The following SRGAP1 variants were observed in gnomAD, a reference collection of about 807,000 sequenced individuals.
SRGAP1 encodes the protein SLIT-ROBO Rho GTPase-activating protein 1.
SRGAP1 carries 43 observed loss-of-function variants against 121.9 expected under a neutral mutation model. That is an observed-to-expected ratio of 0.35 (90% CI 0.28 to 0.46). SRGAP1 has a LOEUF of 0.46. Ranked by LOEUF, SRGAP1 falls within the 20% of genes least tolerant of loss-of-function variation. The pLI is 1.00. For missense variants in SRGAP1, 1,102 were observed against 1,350.9 expected, an observed-to-expected ratio of 0.82 and a Z score of 2.89; for synonymous variants, 447 against 485.4, an observed-to-expected ratio of 0.92 and a Z score of 1.04.
intron 1 of SRGAP1, among the ~76,000 whole-genome samples, chr12:63,894,436 T>C (rs1188874800): frequency 6.6e-6 from 1 of 151,962 alleles, no homozygotes; most frequent in Non-Finnish European, 1.5e-5. Flanking sequence ...CATTGTAGCA[T>C]CCTACCCCAA....
chr12:63,906,708 A>G (rs1592934671), intron 1 of SRGAP1, among the ~76,000 whole-genome samples: 1 of 152,194 alleles, frequency 6.6e-6, no homozygotes, highest in East Asian at 1.9e-4. Context: ...CCAAGTAACA[A>G]TCATGAAGCT....
At chr12:63,982,511 G>A (rs2136406514) in intron 1 of SRGAP1, 1 of 152,312 alleles carries the variant, frequency 6.6e-6, no homozygotes, top group Admixed American at 6.5e-5. Context: ...CCTTATTCAT[G>A]GACTTGCTGT....
chr12:64,047,333 A>G (rs2035150750), intron 6 of SRGAP1, among the ~76,000 whole-genome samples: 2 of 152,198 alleles, frequency 1.3e-5, no homozygotes, highest in South Asian at 2.1e-4. Context: ...CATATATAGT[A>G]GTGATCCTAA....
At chr12:64,100,192 A>G (rs539539544) in intron 15 of SRGAP1, among the ~76,000 whole-genome samples, 2 of 152,320 alleles carry the variant, frequency 1.3e-5, no homozygotes, top group Non-Finnish European at 2.9e-5. Context: ...CACATATGCC[A>G]ATACCTGGGT....
chr12:64,159,317 T>C lies in SRGAP1; in HGVS notation c.*16645T>C, dbSNP rs2037192602. 1 of 152,308 alleles carries C rather than the reference T, an allele frequency of 6.6e-6. No homozygotes were observed. Among genetic ancestry groups the C allele is most frequent in the Non-Finnish European group, 1.5e-5 (1 of 68,264 alleles). The allele number at this position is 152,308 out of a possible 1,614,324, so 9.4% of individuals were successfully genotyped here. The stretch of plus-strand genomic sequence containing the variant: ...CCCATCTCTACTAAAAATACAAAAT[T>C]AGCCAGGCGTGGTGGCGCATGCCTG... On this transcript the variant is annotated 3_prime_UTR_variant, in exon 22 of 22. Transcript: ENST00000355086.
At chr12:63,854,071 G>T (rs569682523) in intron 1 of SRGAP1, among the ~76,000 whole-genome samples, 2 of 152,292 alleles carry the variant, frequency 1.3e-5, no homozygotes, top group African/African-American at 4.8e-5. Flanking sequence ...ATTATTTACA[G>T]TTTAAAGAAT....
chr12:63,892,944 T>A (rs1373635662), intron 1 of SRGAP1, among the ~76,000 whole-genome samples: 1 of 152,200 alleles, frequency 6.6e-6, no homozygotes, highest in Non-Finnish European at 1.5e-5. Flanking sequence ...GGCTTTGAAG[T>A]TGTTTGCTAT....
intron 21 of SRGAP1, among the ~76,000 whole-genome samples, chr12:64,133,908 T>A (rs1269338080): frequency 2.6e-5 from 4 of 152,174 alleles, no homozygotes; most frequent in Non-Finnish European, 5.9e-5. Flanking sequence ...CAGACTATTC[T>A]GCTTGCTGCT....
chr12:63,963,166 A>G (rs1360099275), intron 1 of SRGAP1, among the ~76,000 whole-genome samples: 3 of 152,220 alleles, frequency 2.0e-5, no homozygotes, highest in Non-Finnish European at 2.9e-5. Context: ...GCATAACTCC[A>G]CAGGAACCAC....
At chr12:64,070,916 A>G (rs1179612636) in intron 8 of SRGAP1, among the ~76,000 whole-genome samples, 1 of 152,156 alleles carries the variant, frequency 6.6e-6, no homozygotes, top group Admixed American at 6.5e-5. Context: ...GGGGATTCTC[A>G]AGTTCTTTTG....
At chr12:63,986,506 C>T (rs1261925842) in intron 2 of SRGAP1, among the ~76,000 whole-genome samples, 2 of 152,006 alleles carry the variant, frequency 1.3e-5, no homozygotes, top group Non-Finnish European at 2.9e-5. Flanking sequence ...TCACTGCAAC[C>T]TCCTCCTCCC....
chr12:63,904,155 T>C (rs2030081604), intron 1 of SRGAP1, among the ~76,000 whole-genome samples: 2 of 152,096 alleles, frequency 1.3e-5, no homozygotes, highest in East Asian at 3.9e-4. Context: ...ATTGCCGCAT[T>C]TGTTTGTACA....
chr12:63,956,546 GAT>G (rs1162106128), intron 1 of SRGAP1, among the ~76,000 whole-genome samples: 46 of 152,160 alleles, frequency 3.0e-4, no homozygotes, highest in African/African-American at 1.1e-3. Context: ...TTGGGTGCTG[GAT>G]AGCAGAGAAG....
At chr12:64,037,808 A>G (rs1182951783) in intron 4 of SRGAP1, among the ~76,000 whole-genome samples, 1 of 152,166 alleles carries the variant, frequency 6.6e-6, no homozygotes, top group Non-Finnish European at 1.5e-5. Flanking sequence ...AAAATTTTAA[A>G]CTCTTAGAAG....
intron 1 of SRGAP1, among the ~76,000 whole-genome samples, chr12:63,880,579 G>C (rs1489016611): frequency 1.3e-5 from 2 of 151,898 alleles, no homozygotes; most frequent in African/African-American, 4.8e-5. Context: ...GTATTTCTTC[G>C]TAGCAGTATG....
intron 1 of SRGAP1, among the ~76,000 whole-genome samples, chr12:63,854,834 G>C (rs145749747): frequency 2.2e-4 from 34 of 152,202 alleles, no homozygotes; most frequent in Middle Eastern, 3.4e-3. Flanking sequence ...AATGCTGTAG[G>C]TGTCTCCTGA....
In SRGAP1 at chr12:63,868,056, ATTTTTTTTTTTTTTTTTTTTTTG is replaced by A. The variant is rs1290152944; in HGVS notation, c.67+23187_67+23209del. Among the ~76,000 whole-genome samples, 85 of 57,864 alleles carry A rather than the reference ATTTTTTTTTTTTTTTTTTTTTTG, an allele frequency of 1.5e-3. 1 individual carries two copies. The East Asian group carries it at 0.072, about 49-fold the overall frequency. The allele number at this position is 57,864 out of a possible 152,430, so 38.0% of individuals were successfully genotyped here. Reference sequence around the variant, plus strand: ...TTTCCATATATATATATATATATATATTTTTTTTTTTTTTTTTTTTTTGTTTTTTTTTTTTTGTTTTTTGAGAT... The same window carrying A: ...TTTCCATATATATATATATATATATATTTTTTTTTTTTTGTTTTTTGAGAT... On this transcript the variant is annotated intron_variant, in intron 1 of 21. Coordinates refer to ENST00000355086, the MANE Select transcript of SRGAP1 (RefSeq NM_020762.4).
At position 64,146,419 on chromosome 12, in the gene SRGAP1, G is replaced by C. The variant is rs1173065681; in HGVS notation, c.*3747G>C. ...GTTTATAATTTAAAGAAAAGGAAAA[G>C]AGGCGTGGGTTGGTAGTTGTGTCCT... On this transcript the variant is annotated 3_prime_UTR_variant, in exon 22 of 22. Transcript: ENST00000355086. 6.6e-6 allele frequency: 1 copy of C among 152,138 alleles called. No homozygotes were observed. Among genetic ancestry groups the C allele is most frequent in the Non-Finnish European group, 1.5e-5 (1 of 68,032 alleles). 9.4% of individuals were successfully genotyped at this position (152,138 alleles called of 1,614,324 possible).
At chr12:64,058,336 C>T (rs2035382368) in intron 6 of SRGAP1, among the ~76,000 whole-genome samples, 1 of 152,156 alleles carries the variant, frequency 6.6e-6, no homozygotes, top group African/African-American at 2.4e-5. Flanking sequence ...GTATTTTCCA[C>T]TTAACAACAG....
Sources: gnomAD v4.1 joint callset for allele counts (sites outside exome capture counted in the v4.1 genomes callset) on GRCh38, gnomAD v4.1.1 for gene constraint, MANE v1.5 for transcripts, NCBI Gene and HGNC (gene_info 2026-07-23, HGNC 2026-07-21) for gene names.